RANBP2: variants seen among roughly 807,000 people sequenced by gnomAD.
The protein encoded by RANBP2 is E3 SUMO-protein ligase RanBP2.
A neutral mutation model predicts 303.6 loss-of-function variants in RANBP2; 57 were observed. That is an observed-to-expected ratio of 0.19 (90% CI 0.15 to 0.23). The LOEUF (loss-of-function observed/expected upper bound fraction) is 0.23. Ranked by LOEUF, RANBP2 falls within the 10% of genes least tolerant of loss-of-function variation. RANBP2 has a pLI of 1.00. For missense variants in RANBP2, 3,138 were observed against 3,780.8 expected (o/e 0.83, Z 4.46); for synonymous variants, 1,167 against 1,301.5 (o/e 0.90, Z 2.23).
the RANBP2 span, among the ~76,000 whole-genome samples, chr2:109,524,312 C>T: frequency 3.3e-5 from 5 of 152,096 alleles, no homozygotes; most frequent in Non-Finnish European, 5.9e-5. Context: ...ACGCTGCCCA[C>T]TGTCACCTTC....
the RANBP2 span, among the ~76,000 whole-genome samples, chr2:109,475,624 C>A: frequency 1.3e-5 from 2 of 152,250 alleles, no homozygotes; most frequent in Non-Finnish European, 2.9e-5. Flanking sequence ...AGATAATCCT[C>A]TGTTTTGAGG....
the RANBP2 span, among the ~76,000 whole-genome samples, chr2:109,029,215 C>T: frequency 2.3e-3 from 343 of 152,294 alleles, 1 homozygote; most frequent in African/African-American, 8.0e-3. Flanking sequence ...TGGGCCCTTT[C>T]CTCCTTCATG....
chr2:109,430,062 G>A, the RANBP2 span, among the ~76,000 whole-genome samples: 1 of 152,210 alleles, frequency 6.6e-6, no homozygotes, highest in African/African-American at 2.4e-5. Flanking sequence ...GTGAGCTGTG[G>A]TCAGCAGCTA....
chr2:108,909,420 C>T, the RANBP2 span, among the ~76,000 whole-genome samples: 1 of 47,520 alleles, frequency 2.1e-5, no homozygotes, highest in Non-Finnish European at 4.5e-5. Flanking sequence ...GATGCTGGAT[C>T]GATTGGAATG....
the RANBP2 span, among the ~76,000 whole-genome samples, chr2:108,797,045 T>A: frequency 3.3e-5 from 5 of 152,198 alleles, no homozygotes; most frequent in Non-Finnish European, 2.9e-5. Flanking sequence ...GGATGTTAAG[T>A]AGGCTGTTTG....
chr2:109,629,341 ATATATATATATATATTTTTTTT>A, the RANBP2 span, among the ~76,000 whole-genome samples: 10 of 8,220 alleles, frequency 1.2e-3, no homozygotes, highest in African/African-American at 3.9e-3. Flanking sequence ...ATATATATAT[ATATATATATATATATTTTTTTT>A]TTTTTTTTCA....
intron 1 of RANBP2, among the ~76,000 whole-genome samples, 162 bp downstream of exon 1, chr2:108,719,840 A>G (rs1295308844): frequency 2.6e-5 from 4 of 152,076 alleles, no homozygotes; most frequent in African/African-American, 7.2e-5. Flanking sequence ...TTGCAAGCGC[A>G]TGAAGAGTCC....
At chr2:109,255,993 T>C in the RANBP2 span, among the ~76,000 whole-genome samples, 1 of 152,328 alleles carries the variant, frequency 6.6e-6, no homozygotes, top group Middle Eastern at 3.4e-3. Flanking sequence ...GAAGATTCCC[T>C]GTGTGTGCTT....
At chr2:108,993,450 T>C in the RANBP2 span, among the ~76,000 whole-genome samples, 4 of 152,132 alleles carry the variant, frequency 2.6e-5, no homozygotes, top group Admixed American at 2.6e-4. Flanking sequence ...TTGAAAATGA[T>C]GGAAACTTGT....
the RANBP2 span, among the ~76,000 whole-genome samples, chr2:109,429,298 C>T: frequency 2.4e-3 from 358 of 152,230 alleles, no homozygotes; most frequent in Non-Finnish European, 3.4e-3. Flanking sequence ...TTGGTGTCCC[C>T]TACGAGGCAC....
At chr2:109,566,535 A>G in the RANBP2 span, among the ~76,000 whole-genome samples, 1 of 152,218 alleles carries the variant, frequency 6.6e-6, no homozygotes, top group Non-Finnish European at 1.5e-5. Flanking sequence ...TAACTATACA[A>G]TAGTGTATTC....
chr2:108,743,483 C>T (rs1327346733), intron 7 of RANBP2, among the ~76,000 whole-genome samples: 1 of 152,120 alleles, frequency 6.6e-6, no homozygotes, highest in East Asian at 1.9e-4. Flanking sequence ...CTATGTTTCC[C>T]AGGCTGGTTA....
At chr2:108,923,478 C>G in the RANBP2 span, 1 of 1,609,128 alleles carries the variant, frequency 6.2e-7, no homozygotes, top group Non-Finnish European at 8.5e-7. Flanking sequence ...CAAGACAAAA[C>G]AGAGACAGGT....
the RANBP2 span, among the ~76,000 whole-genome samples, chr2:109,426,151 C>T: frequency 3.6e-4 from 55 of 152,290 alleles, no homozygotes; most frequent in African/African-American, 1.2e-3. Context: ...TCAAGTGATC[C>T]GTCCGCCTTG....
chr2:109,102,323 A>C, the RANBP2 span, among the ~76,000 whole-genome samples: 3 of 151,604 alleles, frequency 2.0e-5, no homozygotes, highest in East Asian at 3.9e-4. Context: ...GATGGTCTTG[A>C]TCTTCAGACC....
chr2:109,156,083 G>A, the RANBP2 span, among the ~76,000 whole-genome samples: 2 of 152,186 alleles, frequency 1.3e-5, no homozygotes, highest in African/African-American at 4.8e-5. Flanking sequence ...TCTCCTCTTT[G>A]GCTGCCACTT....
the RANBP2 span, among the ~76,000 whole-genome samples, chr2:108,888,684 T>A: frequency 1.3e-4 from 20 of 152,160 alleles, no homozygotes; most frequent in African/African-American, 4.8e-4. Flanking sequence ...TCTGATTTTA[T>A]TTGGGTCTTC....
the RANBP2 span, among the ~76,000 whole-genome samples, chr2:109,548,197 G>T: frequency 7.8e-4 from 119 of 151,836 alleles, 3 homozygotes; most frequent in African/African-American, 2.6e-3. Context: ...AAAAACTAGG[G>T]TCTTAAGCCA....
the RANBP2 span, among the ~76,000 whole-genome samples, chr2:109,679,886 C>T: frequency 2.6e-5 from 4 of 152,334 alleles, no homozygotes; most frequent in Admixed American, 2.0e-4. Context: ...AAATCAGTGG[C>T]TGACACTGTT....
Sources: allele counts gnomAD v4.1 joint callset (sites outside exome capture counted in the v4.1 genomes callset), GRCh38; gene constraint gnomAD v4.1.1; transcripts MANE v1.5; gene names NCBI Gene and HGNC (gene_info 2026-07-23, HGNC 2026-07-21).